The following PUM1 variants were observed in gnomAD, a reference collection of about 807,000 sequenced individuals.
PUM1 encodes pumilio homolog 1.
A neutral mutation model predicts 131.8 loss-of-function variants in PUM1; 13 were observed. The observed-to-expected ratio is 0.10, with a 90% CI of 0.06 to 0.16. PUM1 has a LOEUF of 0.16. Among genes scored for constraint, PUM1 ranks in the 10% least tolerant of loss-of-function variants. PUM1 has a pLI of 1.00. For missense variants in PUM1, 961 were observed against 1,512.4 expected (o/e 0.64, Z 6.05); for synonymous variants, 509 against 556.5 (o/e 0.91, Z 1.20).
At chr1:30,998,092 G>A (rs1418243858) in intron 5 of PUM1, among the ~76,000 whole-genome samples, 1 of 152,142 alleles carries the variant, frequency 6.6e-6, no homozygotes. Context: ...GGAACCCAAG[G>A]GAAGTTTCTA....
At chr1:30,942,194 TATATATA>T (rs1557545162) in intron 18 of PUM1, 71 bp from the exon 19 acceptor site, 6,848 of 163,582 alleles carry the variant, frequency 0.042, 653 homozygotes, top group East Asian at 0.16. Context: ...GTATTGTTTA[TATATATA>T]TATATATATA....
intron 2 of PUM1, among the ~76,000 whole-genome samples, chr1:31,053,464 ACTTTGGGAGGC>A (rs1644161220): frequency 6.7e-6 from 1 of 148,176 alleles, no homozygotes; most frequent in South Asian, 2.2e-4. Context: ...TAATCCCAGC[ACTTTGGGAGGC>A]CTTTTTTTTT....
rs57530886 is a variant in PUM1 at position 31,005,791 on chromosome 1, AAGAGAGAGAG to A, written c.720+52_720+61del. ...GGCATGTTTTGCTTTAGGGGAAAAA[AAGAGAGAGAG>A]AGAGAGAGAGAGAGAGAGAGAGATA... On this transcript the variant is annotated intron_variant, in intron 5 of 21. Transcript: ENST00000426105. 0.21 allele frequency: 269,589 copies of A among 1,304,720 alleles called. 19,064 individuals are homozygous for A. The highest frequency in any genetic ancestry group is 0.45 in the African/African-American group (30,328 of 66,674). The allele number at this position is 1,304,720 out of a possible 1,614,324, so 80.8% of individuals were successfully genotyped here.
chr1:30,992,286 C>A (rs1641822221), intron 7 of PUM1, 104 bp downstream of exon 7: 1 of 1,451,118 alleles, frequency 6.9e-7, no homozygotes, highest in Non-Finnish European at 9.4e-7. Context: ...CTATGGATAG[C>A]CTGAAACAAT....
intron 3 of PUM1, among the ~76,000 whole-genome samples, chr1:31,009,127 G>C (rs927142630): frequency 6.6e-5 from 10 of 151,084 alleles, no homozygotes; most frequent in Non-Finnish European, 1.3e-4. Context: ...AGGGTGCGGT[G>C]AGCTAAGATC....
chr1:31,000,368 G>A (rs1364095035), intron 5 of PUM1, among the ~76,000 whole-genome samples: 2 of 152,166 alleles, frequency 1.3e-5, no homozygotes, highest in Non-Finnish European at 2.9e-5. Flanking sequence ...AATTGCAAGT[G>A]GCCAAGCCCA....
intron 16 of PUM1, among the ~76,000 whole-genome samples, chr1:30,951,654 A>G (rs1456760541): frequency 6.7e-6 from 1 of 149,484 alleles, no homozygotes; most frequent in African/African-American, 2.5e-5. Flanking sequence ...TTACCTCACT[A>G]GAGGGAAAAG....
intron 18 of PUM1, among the ~76,000 whole-genome samples, chr1:30,942,405 A>C (rs985951579): frequency 9.9e-5 from 15 of 151,666 alleles, no homozygotes; most frequent in Non-Finnish European, 2.2e-4. Flanking sequence ...AGAAACAGAT[A>C]GCTAGTCAAA....
chr1:30,979,136 A>AG (rs1249996287), intron 9 of PUM1, among the ~76,000 whole-genome samples: 2 of 150,096 alleles, frequency 1.3e-5, no homozygotes, highest in Non-Finnish European at 3.0e-5. Flanking sequence ...AGAAAGAAAG[A>AG]GAAAAAAAAA....
In PUM1 at chr1:30,974,682, G is replaced by T. The variant is rs772068227; in HGVS notation, c.1475C>A (p.Thr492Asn). 3 of 1,609,682 alleles carry T rather than the reference G, an allele frequency of 1.9e-6. No homozygotes were observed. The highest frequency in any genetic ancestry group is 2.5e-6 in the Non-Finnish European group (3 of 1,178,552). The change falls in exon 10 of 22, where the codon ACC becomes AAC. Residue 492 changes from threonine to asparagine, a missense_variant. By Grantham distance (65) the Thr-to-Asn change is moderately conservative. This residue lies in a region of PUM1 where 654 missense variants were observed against 923.9 expected (regional missense o/e 0.71). Coordinates refer to ENST00000426105, the MANE Select transcript of PUM1 (RefSeq NM_001020658.2). The part of the protein sequence containing the change: ...AAATNSANQQ[T>N]TPQAQQGQQQ... ...CTGTCCTTGCTGAGCCTGTGGGGTG[G>T]TCTGTTGATTAGCTGAATTAGTTGC...
intron 5 of PUM1, among the ~76,000 whole-genome samples, chr1:31,000,260 G>T (rs1167509849): frequency 6.6e-6 from 1 of 152,178 alleles, no homozygotes; most frequent in Non-Finnish European, 1.5e-5. Flanking sequence ...ATGAATAAAT[G>T]AAAAAGGCTT....
At chr1:30,959,254 C>A (rs1238413793) in intron 14 of PUM1, among the ~76,000 whole-genome samples, 1 of 152,162 alleles carries the variant, frequency 6.6e-6, no homozygotes, top group Non-Finnish European at 1.5e-5. Flanking sequence ...AGGGATGGTA[C>A]ACTTCGAATT....
chr1:31,038,984 A>ATATATATATATATATTTT, intron 2 of PUM1, among the ~76,000 whole-genome samples: 12 of 49,412 alleles, frequency 2.4e-4, no homozygotes, highest in African/African-American at 6.2e-4. Context: ...ATATATATAT[A>ATATATATATATATATTTT]TTTTTTTTTT....
At position 31,065,672 on chromosome 1, in the gene PUM1, C is replaced by T; in HGVS notation, c.-68G>A. On this transcript the variant is annotated 5_prime_UTR_variant, in exon 1 of 22. Transcript: ENST00000426105. ...GCCCCCCGATCTTCTCTCTCTGGCG[C>T]TCTCGCTCCCCCTTACCTTTCACTC... is the stretch of plus-strand genomic sequence containing the variant. 6.5e-7 allele frequency: 1 copy of T among 1,549,916 alleles called. No individual in the cohort carries two copies.
Position 30,931,815 on chromosome 1 carries a change from A to G in PUM1, c.*1396T>C, listed in dbSNP as rs1638984199. On this transcript the variant is annotated 3_prime_UTR_variant, in exon 22 of 22. Coordinates refer to ENST00000426105, the MANE Select transcript of PUM1 (RefSeq NM_001020658.2). The stretch of plus-strand genomic sequence containing the variant: ...TGTACAAAAGGGAAGGGCGATTCAC[A>G]CTTTACAAGGTGAGAGGGGCTCTGA... 6.6e-6 allele frequency: 1 copy of G among 152,634 alleles called. No homozygotes were observed. Among genetic ancestry groups the G allele is most frequent in the African/African-American group, 2.4e-5 (1 of 41,450 alleles). The allele number at this position is 152,634 out of a possible 1,614,324, so 9.5% of individuals were successfully genotyped here.
At chr1:30,973,275 A>T (rs1307166757) in intron 10 of PUM1, among the ~76,000 whole-genome samples, 3 of 151,464 alleles carry the variant, frequency 2.0e-5, no homozygotes, top group Non-Finnish European at 2.9e-5. Context: ...AAAATTAAAC[A>T]TACACCCTCT....
chr1:30,952,501 C>G (rs1639975309), intron 15 of PUM1, 138 bp from the exon 16 acceptor site: 66 of 1,280,638 alleles, frequency 5.2e-5, no homozygotes, highest in Non-Finnish European at 6.8e-5. Flanking sequence ...CACAATAAAC[C>G]AAACTTTATT....
intron 17 of PUM1, among the ~76,000 whole-genome samples, chr1:30,945,862 T>C (rs969686987): frequency 1.3e-5 from 2 of 152,212 alleles, no homozygotes; most frequent in African/African-American, 4.8e-5. Flanking sequence ...CTCAGCTCAC[T>C]GCAACCTCCG....
chr1:31,065,472 G>A (rs961760276), intron 1 of PUM1, 144 bp downstream of exon 1: 9 of 930,716 alleles, frequency 9.7e-6, no homozygotes, highest in Non-Finnish European at 1.2e-5. Context: ...GGAACAGCGA[G>A]TGAGAAGCCT....
Sources: gnomAD v4.1 joint callset for allele counts (sites outside exome capture counted in the v4.1 genomes callset) on GRCh38, gnomAD v4.1.1 for gene constraint, gnomAD v4.1.1 regional missense constraint, MANE v1.5 for transcripts, NCBI Gene and HGNC (gene_info 2026-07-23, HGNC 2026-07-21) for gene names.